Variants in ADGRL2 observed in about 807,000 individuals in gnomAD.
ADGRL2 encodes the protein adhesion G protein-coupled receptor L2, also known as calcium-independent alpha-latrotoxin receptor 2.
A neutral mutation model predicts 157.4 loss-of-function variants in ADGRL2; 44 were observed. The ratio of observed to expected loss-of-function variants is 0.28; its 90% CI spans 0.22 to 0.36. The LOEUF is 0.36. Among genes scored for constraint, ADGRL2 ranks in the 10% least tolerant of loss-of-function variants. The probability of loss-of-function intolerance (pLI) is 1.00; values close to 1 mark genes in which losing one functional copy is unlikely to be tolerated. For synonymous variants in ADGRL2, 585 were observed against 624.7 expected (o/e 0.94, Z 0.95); for missense variants, 1,510 against 1,768.9 (o/e 0.85, Z 2.63).
intron 1 of ADGRL2, among the ~76,000 whole-genome samples, chr1:81,347,474 C>T (rs961505913): frequency 6.6e-6 from 1 of 152,002 alleles, no homozygotes; most frequent in Non-Finnish European, 1.5e-5. Flanking sequence ...AAAGATGATA[C>T]TTATAAAATA....
chr1:81,622,855 T>G (rs2081826774), intron 3 of ADGRL2, among the ~76,000 whole-genome samples: 1 of 152,256 alleles, frequency 6.6e-6, no homozygotes, highest in African/African-American at 2.4e-5. Flanking sequence ...ATTTTGTTAC[T>G]ATTCTGACAT....
intron 1 of ADGRL2, among the ~76,000 whole-genome samples, chr1:81,378,275 G>A (rs1295795489): frequency 1.3e-5 from 2 of 152,160 alleles, no homozygotes; most frequent in African/African-American, 4.8e-5. Context: ...AGTTCACCAG[G>A]CGTGGTAGCT....
Position 81,813,920 on chromosome 1 carries a change from G to A in ADGRL2, c.-101+12852G>A, listed in dbSNP as rs984265399. On this transcript the variant is annotated intron_variant, in intron 1 of 23. Transcript: ENST00000686636. Reference sequence around the variant, plus strand: ...CTGTCATAGAGTGCATAACTTCTGTGAGGTTACTGGAAAGGCACAGCTAGG... The same window carrying A: ...CTGTCATAGAGTGCATAACTTCTGTAAGGTTACTGGAAAGGCACAGCTAGG... 3.3e-5 allele frequency among the ~76,000 whole-genome samples: 5 copies of A among 151,574 alleles called. 1 individual carries two copies. The highest frequency in any genetic ancestry group is 7.3e-5 in the African/African-American group (3 of 41,332).
chr1:81,986,091 C>T (rs902007036), intron 21 of ADGRL2, among the ~76,000 whole-genome samples: 2 of 151,914 alleles, frequency 1.3e-5, no homozygotes, highest in African/African-American at 2.4e-5. Context: ...CAATACTAAC[C>T]TGAATTTTAA....
intron 10 of ADGRL2, among the ~76,000 whole-genome samples, chr1:81,954,160 A>G (rs1652718165): frequency 6.6e-6 from 1 of 152,130 alleles, no homozygotes; most frequent in Admixed American, 6.6e-5. Context: ...AATGTATGAA[A>G]TGTAATAATT....
intron 1 of ADGRL2, among the ~76,000 whole-genome samples, chr1:81,337,167 C>T (rs1661704801): frequency 6.6e-6 from 1 of 152,188 alleles, no homozygotes; most frequent in Non-Finnish European, 1.5e-5. Flanking sequence ...ACTAAAATTC[C>T]TGGCATTTAT....
chr1:81,940,666 A>C (rs551830839), intron 4 of ADGRL2, among the ~76,000 whole-genome samples: 14 of 151,704 alleles, frequency 9.2e-5, no homozygotes, highest in African/African-American at 3.4e-4. Context: ...AAAATTAATC[A>C]AACTAAGATC....
At chr1:81,907,597 T>C (rs1421782918) in intron 3 of ADGRL2, among the ~76,000 whole-genome samples, 1 of 152,182 alleles carries the variant, frequency 6.6e-6, no homozygotes, top group Admixed American at 6.5e-5. Context: ...CATTAGTTGC[T>C]ACTTAACTTT....
chr1:81,884,098 C>A (rs752872613), intron 2 of ADGRL2, among the ~76,000 whole-genome samples: 3 of 151,890 alleles, frequency 2.0e-5, no homozygotes, highest in Non-Finnish European at 2.9e-5. Flanking sequence ...TGATCCTCCC[C>A]CCTCAGCCCC....
At chr1:81,881,767 GT>G (rs2093995053) in intron 2 of ADGRL2, among the ~76,000 whole-genome samples, 1 of 152,140 alleles carries the variant, frequency 6.6e-6, no homozygotes, top group Admixed American at 6.5e-5. Context: ...GATTGGTGAT[GT>G]TTCATCTGTT....
At chr1:81,502,059 A>G in intron 2 of ADGRL2, 1 of 1,601,864 alleles carries the variant, frequency 6.2e-7, no homozygotes, top group Non-Finnish European at 8.5e-7. Context: ...GAGCCTGAGG[A>G]AGAGGACGGA....
intron 1 of ADGRL2, chr1:81,427,118 CAG>C (rs1055114690): frequency 7.1e-7 from 1 of 1,416,998 alleles, no homozygotes; most frequent in African/African-American, 1.4e-5. Flanking sequence ...TGCTGGATCA[CAG>C]AGAGATTGTG....
At chr1:81,544,075 A>C (rs2079954907) in intron 2 of ADGRL2, among the ~76,000 whole-genome samples, 1 of 151,914 alleles carries the variant, frequency 6.6e-6, no homozygotes, top group South Asian at 2.1e-4. Context: ...GCTAACCTCT[A>C]CCCGAACCCA....
intron 1 of ADGRL2, among the ~76,000 whole-genome samples, chr1:81,709,103 A>C (rs1317817028): frequency 6.6e-6 from 1 of 152,164 alleles, no homozygotes; most frequent in Admixed American, 6.5e-5. Flanking sequence ...TATTCTAAAA[A>C]GAAAAACTAA....
intron 3 of ADGRL2, among the ~76,000 whole-genome samples, chr1:81,611,293 G>A (rs118144133): frequency 0.014 from 2,148 of 152,278 alleles, 24 homozygotes; most frequent in East Asian, 0.046. Context: ...ATCAAATTCT[G>A]TCTCTGCTCC....
chr1:81,610,070 T>C (rs180965064), intron 3 of ADGRL2, among the ~76,000 whole-genome samples: 38 of 152,284 alleles, frequency 2.5e-4, no homozygotes, highest in Non-Finnish European at 3.7e-4. Context: ...ACCTGCCTCT[T>C]GGGGAGTGAA....
chr1:81,309,409 A>G (rs1296480996), intron 1 of ADGRL2, among the ~76,000 whole-genome samples: 1 of 152,182 alleles, frequency 6.6e-6, no homozygotes, highest in Non-Finnish European at 1.5e-5. Flanking sequence ...TAACTTAGCC[A>G]AGGCCACACA....
intron 3 of ADGRL2, among the ~76,000 whole-genome samples, chr1:81,916,094 A>G (rs1033373622): frequency 1.3e-5 from 2 of 152,192 alleles, no homozygotes; most frequent in Admixed American, 1.3e-4. Flanking sequence ...TGGTATCTCT[A>G]AAATGTACTA....
At chr1:81,335,160 CATCTT>C (rs1661546485) in intron 1 of ADGRL2, among the ~76,000 whole-genome samples, 1 of 152,152 alleles carries the variant, frequency 6.6e-6, no homozygotes. Flanking sequence ...CCTTATGAAT[CATCTT>C]ATAATAACAA....
Sources: gnomAD v4.1 joint callset for allele counts (sites outside exome capture counted in the v4.1 genomes callset) on GRCh38, gnomAD v4.1.1 for gene constraint, MANE v1.5 for transcripts, NCBI Gene and HGNC (gene_info 2026-07-23, HGNC 2026-07-21) for gene names.